Variants in CHRM2 observed in about 807,000 individuals in gnomAD.
CHRM2 encodes the protein cholinergic receptor muscarinic 2, also known as muscarinic acetylcholine receptor M2.
A neutral mutation model predicts 25.0 loss-of-function variants in CHRM2; 8 were observed. That is an observed-to-expected ratio of 0.32 (90% CI 0.19 to 0.58). The LOEUF (loss-of-function observed/expected upper bound fraction) is 0.58, where lower values mean the gene tolerates loss of function less well. Among genes scored for constraint, CHRM2 ranks in the 20% least tolerant of loss-of-function variants. The pLI is 0.88. For missense variants in CHRM2, 440 were observed against 567.1 expected (o/e 0.78, Z 2.28); for synonymous variants, 202 against 205.7 (o/e 0.98, Z 0.15).
intron 2 of CHRM2, among the ~76,000 whole-genome samples, chr7:136,921,790 C>CTTTGTTTTTTTTTTTTTTTTTTTTTT (rs201063228): frequency 8.8e-6 from 1 of 113,992 alleles, no homozygotes; most frequent in Admixed American, 8.9e-5. Flanking sequence ...TTCTTTCTTT[C>CTTTGTTTTTTTTTTTTTTTTTTTTTT]TTTCTTTTTT....
At chr7:136,956,768 A>G (rs1446107864) in intron 2 of CHRM2, among the ~76,000 whole-genome samples, 1 of 152,176 alleles carries the variant, frequency 6.6e-6, no homozygotes. Context: ...TTTAGTGTCA[A>G]CTAAAGCAAC....
intron 2 of CHRM2, among the ~76,000 whole-genome samples, chr7:136,957,754 A>G (rs1320737866): frequency 6.6e-6 from 1 of 152,216 alleles, no homozygotes; most frequent in East Asian, 1.9e-4. Context: ...AGAGTTCTCT[A>G]AACAAATTTT....
In CHRM2 at chr7:137,018,834, T is replaced by C. The variant is rs929751491; in HGVS notation, c.*2568T>C. 6.6e-6 allele frequency: 1 copy of C among 151,892 alleles called. No individual in the cohort carries two copies. Among genetic ancestry groups the C allele is most frequent in the African/African-American group, 2.4e-5 (1 of 41,398 alleles). The allele number at this position is 151,892 out of a possible 1,614,324, so 9.4% of individuals were successfully genotyped here. The stretch of plus-strand genomic sequence containing the variant: ...AAAATGGAAGGAATACTGAAAATGA[T>C]AGATGATTGGAGAGATATGGAGATT... On this transcript the variant is annotated 3_prime_UTR_variant, in exon 4 of 4. Coordinates refer to ENST00000680005, the MANE Select transcript of CHRM2 (RefSeq NM_001006630.2).
At chr7:136,995,998 G>C (rs1015800105) in intron 3 of CHRM2, among the ~76,000 whole-genome samples, 2 of 151,774 alleles carry the variant, frequency 1.3e-5, no homozygotes, top group Admixed American at 1.3e-4. Flanking sequence ...GAATAGAATG[G>C]AAAGCCCAGA....
intron 2 of CHRM2, among the ~76,000 whole-genome samples, chr7:136,920,124 T>G (rs940628710): frequency 1.3e-5 from 2 of 151,844 alleles, no homozygotes; most frequent in Admixed American, 1.3e-4. Context: ...CTTAATGAAA[T>G]AACCCCTGCT....
intron 2 of CHRM2, among the ~76,000 whole-genome samples, chr7:136,983,453 T>C (rs1563106782): frequency 6.6e-6 from 1 of 152,332 alleles, no homozygotes; most frequent in East Asian, 1.9e-4. Flanking sequence ...AAACTCATTC[T>C]CTGTCCAGTT....
chr7:136,881,462 CT>C (rs533947169), intron 2 of CHRM2, among the ~76,000 whole-genome samples: 49 of 151,832 alleles, frequency 3.2e-4, no homozygotes, highest in African/African-American at 1.0e-3. Flanking sequence ...AATATTTTTT[CT>C]TTTTGCTATT....
intron 2 of CHRM2, chr7:136,903,345 A>G: frequency 2.4e-6 from 1 of 417,558 alleles, no homozygotes; most frequent in South Asian, 1.9e-5. Flanking sequence ...GTATGTGCAA[A>G]TCTCCTTCAA....
Position 136,926,666 on chromosome 7 carries a change from T to C in CHRM2, c.-125+57248T>C, listed in dbSNP as rs78736530. On this transcript the variant is annotated intron_variant, in intron 2 of 3. Coordinates refer to ENST00000680005, the MANE Select transcript of CHRM2 (RefSeq NM_001006630.2). ...TTGCAAAGGAGGTGATAGGAATGAA[T>C]TATATGGAAGAAATTAGCTACTTTT... Among the ~76,000 whole-genome samples the C allele has an allele frequency of 9.0e-3, 1,363 of 152,208 alleles. 18 individuals carry two copies. The highest frequency in any genetic ancestry group is 0.031 in the African/African-American group (1,267 of 41,506).
chr7:136,936,331 C>T (rs139340473), intron 2 of CHRM2, among the ~76,000 whole-genome samples: 1 of 152,146 alleles, frequency 6.6e-6, no homozygotes, highest in African/African-American at 2.4e-5. Flanking sequence ...ACACATGGAG[C>T]AAAAGGAATA....
chr7:136,988,072 T>C (rs1802976417), intron 2 of CHRM2, among the ~76,000 whole-genome samples: 2 of 150,400 alleles, frequency 1.3e-5, no homozygotes, highest in African/African-American at 2.4e-5. Flanking sequence ...TATATGAATA[T>C]ATAAAAATTT....
chr7:136,984,385 G>A (rs113590031), intron 2 of CHRM2, among the ~76,000 whole-genome samples: 2,028 of 152,202 alleles, frequency 0.013, 41 homozygotes, highest in African/African-American at 0.046. Context: ...CTCCGTGGGT[G>A]TGGGATTTAC....
intron 2 of CHRM2, among the ~76,000 whole-genome samples, chr7:136,953,242 T>C (rs1300825007): frequency 6.6e-6 from 1 of 152,144 alleles, no homozygotes; most frequent in Non-Finnish European, 1.5e-5. Flanking sequence ...TAATATACAG[T>C]CTGACTGTTT....
chr7:136,938,915 C>CAAAAA lies in CHRM2; in HGVS notation c.-124-53228_-124-53224dup, dbSNP rs56868385. 1.3e-4 allele frequency among the ~76,000 whole-genome samples: 9 copies of CAAAAA among 66,950 alleles called. 2 individuals are homozygous for CAAAAA. Among genetic ancestry groups the CAAAAA allele is most frequent in the Non-Finnish European group, 2.0e-4 (7 of 35,080 alleles). 43.9% of individuals were successfully genotyped at this position (66,950 alleles called of 152,430 possible). On this transcript the variant is annotated intron_variant, in intron 2 of 3. Transcript: ENST00000680005. ...AAAATAAAACTTCAGCTAGCTCTGCCAAAAAAAAAAAAAAAAAAAAAAAAA... is the reference window on the plus strand; with the variant it reads ...AAAATAAAACTTCAGCTAGCTCTGCCAAAAAAAAAAAAAAAAAAAAAAAAAAAAAA...
rs1194112471 is a variant in CHRM2 at position 136,869,651 on chromosome 7, C to A, written c.-125+233C>A. 6.6e-6 allele frequency among the ~76,000 whole-genome samples: 1 copy of A among 152,300 alleles called. No individual in the cohort carries two copies. Among genetic ancestry groups the A allele is most frequent in the African/African-American group, 2.4e-5 (1 of 41,584 alleles). On this transcript the variant is annotated intron_variant, in intron 2 of 3. Coordinates refer to ENST00000680005, the MANE Select transcript of CHRM2 (RefSeq NM_001006630.2). The surrounding 1 kb of genome is among the most constrained non-coding windows in gnomAD (Gnocchi z 4.9). The stretch of plus-strand genomic sequence containing the variant: ...AAAGGAAGGGGCAAACGAGGCACAG[C>A]GCGAGGCGAGGTACCCCTACGATTC...
intron 2 of CHRM2, among the ~76,000 whole-genome samples, chr7:136,886,935 A>T (rs1307247543): frequency 1.3e-5 from 2 of 152,220 alleles, no homozygotes; most frequent in Non-Finnish European, 2.9e-5. Flanking sequence ...CTAGTGGATT[A>T]GGTGTCTCAG....
chr7:136,963,835 T>C (rs1238755092), intron 2 of CHRM2, among the ~76,000 whole-genome samples: 3 of 152,198 alleles, frequency 2.0e-5, no homozygotes, highest in African/African-American at 7.2e-5. Flanking sequence ...GTGCTTCCAG[T>C]GTTGAGATCC....
At chr7:137,008,762 T>C (rs324649) in intron 3 of CHRM2, among the ~76,000 whole-genome samples, 85,922 of 151,926 alleles carry the variant, frequency 0.57, 25,635 homozygotes, top group African/African-American at 0.68. Context: ...TTCCAAACTT[T>C]CTTCTTGTTC....
In CHRM2 at chr7:136,938,915, C is replaced by CAAAAAAAA. The variant is rs56868385; in HGVS notation, c.-124-53231_-124-53224dup. 4.8e-4 allele frequency among the ~76,000 whole-genome samples: 32 copies of CAAAAAAAA among 66,948 alleles called. 3 individuals carry two copies. The highest frequency in any genetic ancestry group is 1.3e-3 in the East Asian group (1 of 778). The allele number at this position is 66,948 out of a possible 152,430, so 43.9% of individuals were successfully genotyped here. A position where few individuals can be genotyped will look rare whatever the true frequency, so the allele number is the denominator to read the frequency against. On this transcript the variant is annotated intron_variant, in intron 2 of 3. Transcript: ENST00000680005. ...AAAATAAAACTTCAGCTAGCTCTGC[C>CAAAAAAAA]AAAAAAAAAAAAAAAAAAAAAAAAA...
Sources: gnomAD v4.1 joint callset for allele counts (sites outside exome capture counted in the v4.1 genomes callset) on GRCh38, gnomAD v4.1.1 for gene constraint, Gnocchi (gnomAD v3.1) non-coding constraint, MANE v1.5 for transcripts, NCBI Gene and HGNC (gene_info 2026-07-23, HGNC 2026-07-21) for gene names.